MAX: variants seen among roughly 807,000 people sequenced by gnomAD.
The protein encoded by MAX is MYC associated transcriptional regulator X, also known as protein max.
Under a neutral mutation model 22.3 loss-of-function variants are expected in MAX, and 3 were observed. The ratio of observed to expected loss-of-function variants is 0.13; its 90% CI spans 0.06 to 0.35. MAX has a LOEUF of 0.35. Among genes scored for constraint, MAX ranks in the 10% least tolerant of loss-of-function variants. MAX has a pLI of 1.00. For synonymous variants in MAX, 72 were observed against 77.7 expected (o/e 0.93, Z 0.39); for missense variants, 119 against 209.4 (o/e 0.57, Z 2.66).
downstream of MAX, among the ~76,000 whole-genome samples, chr14:65,072,411 G>C (rs967297060): frequency 1.3e-5 from 2 of 152,202 alleles, no homozygotes; most frequent in African/African-American, 2.4e-5. Context: ...GCAGCTCTAA[G>C]GGTTGAACTA....
chr14:65,101,930 C>CGAAG (rs1241120755), intron 1 of MAX, among the ~76,000 whole-genome samples: 1 of 152,160 alleles, frequency 6.6e-6, no homozygotes, highest in African/African-American at 2.4e-5. Context: ...GATCGCAGTC[C>CGAAG]GAAGGGGCAG....
At position 65,012,086 on chromosome 14, in the gene MAX, T is replaced by C. The variant is rs980906688; in HGVS notation, c.172-5802A>G. ...CTGCCTTTAGGAGACAATCGCACTCTAAATGTCAGCTGGCATGGTTTTCAG... is the reference window on the plus strand; with the variant it reads ...CTGCCTTTAGGAGACAATCGCACTCCAAATGTCAGCTGGCATGGTTTTCAG... On this transcript the variant is annotated intron_variant, in intron 3 of 3. Transcript: ENST00000341653. This position sits in a 1 kb window ranked among gnomAD's most constrained non-coding sequence, Gnocchi z 5.0. 4.0e-5 allele frequency: 20 copies of C among 497,948 alleles called. No individual in the cohort carries two copies. Among genetic ancestry groups the C allele is most frequent in the Non-Finnish European group, 4.0e-5 (11 of 274,626 alleles). 30.8% of individuals were successfully genotyped at this position (497,948 alleles called of 1,614,324 possible).
intron 3 of MAX, among the ~76,000 whole-genome samples, chr14:65,051,187 A>C (rs1346370140): frequency 6.6e-6 from 1 of 152,212 alleles, no homozygotes; most frequent in Admixed American, 6.5e-5. Flanking sequence ...GAAGACGAGA[A>C]GCTTTTGTCC....
Position 65,037,743 on chromosome 14 carries a change from TA to T in MAX, c.172-31460del, listed in dbSNP as rs2062239168. Among the ~76,000 whole-genome samples the T allele has an allele frequency of 8.8e-3, 432 of 48,930 alleles. 4 individuals carry two copies. Among genetic ancestry groups the T allele is most frequent in the African/African-American group, 0.037 (412 of 11,240 alleles). 32.1% of individuals were successfully genotyped at this position (48,930 alleles called of 152,430 possible). ...CCCAGCCTCTTATTTATTTATTTAT[TA>T]TTTATTTATTTATTTATTTATTTAT... On this transcript the variant is annotated intron_variant, in intron 3 of 3. Coordinates refer to the MAX transcript ENST00000341653.
In MAX at chr14:65,082,198, A is replaced by G. The variant is rs1453716229; in HGVS notation, c.172-4162T>C. The G allele has an allele frequency of 6.6e-6, 1 of 152,210 alleles. No individual in the cohort carries two copies. Among genetic ancestry groups the G allele is most frequent in the East Asian group, 1.9e-4 (1 of 5,198 alleles). 9.4% of individuals were successfully genotyped at this position (152,210 alleles called of 1,614,324 possible). A position where few individuals can be genotyped will look rare whatever the true frequency, so the allele number is the denominator to read the frequency against. On this transcript the variant is annotated intron_variant, in intron 3 of 4. Transcript: ENST00000358664. The surrounding 1 kb of genome is among the most constrained non-coding windows in gnomAD (Gnocchi z 4.8). ...CCTCCAGGACACTCATACTTTGGGA[A>G]CACAGGGGAAGCTATGGAACTAATT...
At chr14:65,026,976 T>C (rs2061994206) in intron 3 of MAX, among the ~76,000 whole-genome samples, 1 of 152,074 alleles carries the variant, frequency 6.6e-6, no homozygotes, top group Non-Finnish European at 1.5e-5. Flanking sequence ...ATGTTCATGA[T>C]AGGCCTAGGT....
chr14:65,037,737 ATTTATTAT>A lies in MAX; in HGVS notation c.172-31461_172-31454del, dbSNP rs1447978516. Among the ~76,000 whole-genome samples, 148 of 74,390 alleles carry A rather than the reference ATTTATTAT, an allele frequency of 2.0e-3. 1 individual carries two copies. The highest frequency in any genetic ancestry group is 0.014 in the South Asian group (31 of 2,150). The allele number at this position is 74,390 out of a possible 152,430, so 48.8% of individuals were successfully genotyped here. The stretch of plus-strand genomic sequence containing the variant: ...ACCATGCCCAGCCTCTTATTTATTT[ATTTATTAT>A]TTATTTATTTATTTATTTATTTATT... On this transcript the variant is annotated intron_variant, in intron 3 of 3. Coordinates refer to the MAX transcript ENST00000341653.
At position 65,028,215 on chromosome 14, in the gene MAX, A is replaced by G. The variant is rs188347928; in HGVS notation, c.172-21931T>C. 6.4e-4 allele frequency among the ~76,000 whole-genome samples: 97 copies of G among 152,326 alleles called. 1 individual carries two copies. Among genetic ancestry groups the G allele is most frequent in the African/African-American group, 2.3e-3 (95 of 41,572 alleles). ...AATCCCTGAGGTCCTCCTGAGGCAC[A>G]TGAGAGTTTTTCTGGGAGGTGCAGA... On this transcript the variant is annotated intron_variant, in intron 3 of 3. Coordinates refer to the MAX transcript ENST00000341653. The surrounding 1 kb of genome is among the most constrained non-coding windows in gnomAD (Gnocchi z 4.4).
chr14:65,044,575 T>A lies in MAX; in HGVS notation c.172-38291A>T. ...TATCCTGGATTTTGAGTGCCCAGTG[T>A]GGAACCTCATGCCGTGGGGCATGCG... On this transcript the variant is annotated intron_variant, in intron 3 of 3. Coordinates refer to the MAX transcript ENST00000341653. This position sits in a 1 kb window ranked among gnomAD's most constrained non-coding sequence, Gnocchi z 5.5. The A allele has an allele frequency of 7.5e-7, 1 of 1,327,454 alleles. No homozygotes were observed. Among genetic ancestry groups the A allele is most frequent in the Non-Finnish European group, 1.0e-6 (1 of 998,138 alleles). The allele number at this position is 1,327,454 out of a possible 1,614,324, so 82.2% of individuals were successfully genotyped here.
At chr14:65,097,022 T>C (rs370130863) in intron 2 of MAX, among the ~76,000 whole-genome samples, 1 of 152,222 alleles carries the variant, frequency 6.6e-6, no homozygotes, top group African/African-American at 2.4e-5. Context: ...ACTAAGGGGC[T>C]ATGCAGTGGT....
chr14:65,040,796 G>C, intron 3 of MAX: 1 of 1,613,012 alleles, frequency 6.2e-7, no homozygotes, highest in Non-Finnish European at 8.5e-7. Context: ...TTAGGTGTCA[G>C]AACTGGGAAG....
chr14:65,063,563 T>G (rs550266121), intron 3 of MAX, among the ~76,000 whole-genome samples: 1 of 152,118 alleles, frequency 6.6e-6, no homozygotes, highest in Admixed American at 6.5e-5. Context: ...TCCTAGAGAT[T>G]TGTCTATTCA....
intron 3 of MAX, among the ~76,000 whole-genome samples, chr14:65,046,375 C>T (rs945739904): frequency 3.4e-4 from 52 of 152,198 alleles, no homozygotes; most frequent in Admixed American, 3.4e-3. Flanking sequence ...CTTTTACAAA[C>T]CTGTCCCTGG....
Position 65,079,213 on chromosome 14 carries a change from G to A in MAX, c.172-1177C>T, listed in dbSNP as rs115329052. On this transcript the variant is annotated intron_variant, in intron 3 of 4. Coordinates refer to ENST00000358664, the MANE Select transcript of MAX (RefSeq NM_002382.5). This position sits in a 1 kb window ranked among gnomAD's most constrained non-coding sequence, Gnocchi z 4.5. ...CTCTGAAACCACTGTTAACTATTCC[G>A]AACTGAACAATGCTGCTGTGTCACT... Among the ~76,000 whole-genome samples, 651 of 152,270 alleles carry A rather than the reference G, an allele frequency of 4.3e-3. 4 individuals carry two copies. Among genetic ancestry groups the A allele is most frequent in the African/African-American group, 0.015 (623 of 41,558 alleles).
Position 65,012,362 on chromosome 14 carries a change from C to T in MAX, c.172-6078G>A. Reference sequence around the variant, plus strand: ...AGCACTTCCATTATCTGAAAAGAGGCCTTCGACAACTGACAGATGCCTATG... The same window carrying T: ...AGCACTTCCATTATCTGAAAAGAGGTCTTCGACAACTGACAGATGCCTATG... On this transcript the variant is annotated intron_variant, in intron 3 of 3. Coordinates refer to the MAX transcript ENST00000341653. This position sits in a 1 kb window ranked among gnomAD's most constrained non-coding sequence, Gnocchi z 5.0. The T allele has an allele frequency of 6.2e-7, 1 of 1,614,172 alleles. No individual in the cohort carries two copies. The highest frequency in any genetic ancestry group is 8.5e-7 in the Non-Finnish European group (1 of 1,180,006).
At position 65,102,024 on chromosome 14, in the gene MAX, G is replaced by C. The variant is rs143183654; in HGVS notation, c.36+280C>G. On this transcript the variant is annotated intron_variant, in intron 1 of 4. Transcript: ENST00000358664. ...TCCTTGTCCCCCGGATCCTGAGCCG[G>C]GGAAGGTGGGAGCGGGAGGCCGCAG... Among the ~76,000 whole-genome samples the C allele has an allele frequency of 8.7e-3, 1,329 of 152,284 alleles. 8 individuals carry two copies. The highest frequency in any genetic ancestry group is 0.015 in the Non-Finnish European group (986 of 67,994).
rs926895687 is a variant in MAX, at chr14:65,062,582, A to C, written c.171+31126T>G. On this transcript the variant is annotated intron_variant, in intron 3 of 3. Transcript: ENST00000341653. The surrounding 1 kb of genome is among the most constrained non-coding windows in gnomAD (Gnocchi z 4.3). ...AAAAACCTGGCCATTTGCTGCCTCT[A>C]ATTCCCTTTTGCTTTGCCATATTGG... The C allele has an allele frequency of 5.9e-5, 9 of 152,812 alleles. No homozygotes were observed. The highest frequency in any genetic ancestry group is 2.2e-4 in the African/African-American group (9 of 41,594). 9.5% of individuals were successfully genotyped at this position (152,812 alleles called of 1,614,324 possible).
In MAX at chr14:65,023,372, G is replaced by A. The variant is rs2061922360; in HGVS notation, c.172-17088C>T. On this transcript the variant is annotated intron_variant, in intron 3 of 3. Coordinates refer to the MAX transcript ENST00000341653. This position sits in a 1 kb window ranked among gnomAD's most constrained non-coding sequence, Gnocchi z 4.1. ...CGCCTGGCCAGAATCAATCACTTTAGATCAGTCCTCAGCCATCACCTAAGA... is the reference window on the plus strand; with the variant it reads ...CGCCTGGCCAGAATCAATCACTTTAAATCAGTCCTCAGCCATCACCTAAGA... 6.6e-6 allele frequency among the ~76,000 whole-genome samples: 1 copy of A among 152,092 alleles called. No homozygotes were observed. The highest frequency in any genetic ancestry group is 6.5e-5 in the Admixed American group (1 of 15,268).
intron 3 of MAX, chr14:65,091,869 G>A (rs1415491106): frequency 2.0e-5 from 3 of 152,064 alleles, no homozygotes; most frequent in African/African-American, 7.2e-5. Context: ...GTTATTGTCT[G>A]TTTTGTTTAC....
Sources: gnomAD v4.1 joint callset for allele counts (sites outside exome capture counted in the v4.1 genomes callset) on GRCh38, gnomAD v4.1.1 for gene constraint, Gnocchi (gnomAD v3.1) non-coding constraint, MANE v1.5 for transcripts, NCBI Gene and HGNC (gene_info 2026-07-23, HGNC 2026-07-21) for gene names.